Variants in WDR73 observed in about 807,000 individuals in gnomAD.
WDR73 encodes integrator complex assembly factor WDR73.
WDR73 carries 30 observed loss-of-function variants against 38.2 expected under a neutral mutation model. The ratio of observed to expected loss-of-function variants is 0.79; its 90% CI spans 0.59 to 1.06. WDR73 has a LOEUF of 1.06. Ranked by LOEUF, WDR73 falls within the 50% of genes least tolerant of loss-of-function variation. The pLI is 0.00. For synonymous variants in WDR73, 197 were observed against 176.0 expected, an observed-to-expected ratio of 1.12 and a Z score of -0.94; for missense variants, 487 against 467.0, an observed-to-expected ratio of 1.04 and a Z score of -0.40.
At position 84,645,464 on chromosome 15, in the gene WDR73, G is replaced by A. The variant is rs1284134311; in HGVS notation, c.883+7C>T. Reference sequence around the variant, plus strand: ...AGATAACAAGACGAAATCCTGCTCGGCAGTACCTGAGATGGCCAAGCAATT... The same window carrying A: ...AGATAACAAGACGAAATCCTGCTCGACAGTACCTGAGATGGCCAAGCAATT... On this transcript the variant is annotated splice_region_variant and intron_variant, in intron 7 of 7. Transcript: ENST00000434634. The A allele has an allele frequency of 6.2e-7, 1 of 1,611,260 alleles. No homozygotes were observed.
At position 84,641,854 on chromosome 15, in the gene WDR73, T is replaced by C. The variant is rs1026312135; in HGVS notation, c.*1616A>G. The C allele has an allele frequency of 6.6e-6, 1 of 152,126 alleles. No individual in the cohort carries two copies. The highest frequency in any genetic ancestry group is 2.1e-4 in the South Asian group (1 of 4,824). The allele number at this position is 152,126 out of a possible 1,614,324, so 9.4% of individuals were successfully genotyped here. A position where few individuals can be genotyped will look rare whatever the true frequency, so the allele number is the denominator to read the frequency against. ...TTCCTATCTGAATTTGTTTAGGTTT[T>C]TTAAATAAAAATCTTTCTTTTTTTT... On this transcript the variant is annotated 3_prime_UTR_variant, in exon 8 of 8. Transcript: ENST00000434634.
chr15:84,650,469 T>C (rs1173935880), intron 3 of WDR73, among the ~76,000 whole-genome samples: 1 of 152,176 alleles, frequency 6.6e-6, no homozygotes, highest in Non-Finnish European at 1.5e-5. Flanking sequence ...CAAGCAATTC[T>C]TCTGCCTCAG....
Position 84,645,483 on chromosome 15 carries a change from A to G in WDR73, c.871T>C (p.Leu291=). 2.5e-6 allele frequency: 4 copies of G among 1,612,204 alleles called. No homozygotes were observed. The highest frequency in any genetic ancestry group is 1.7e-4 in the Middle Eastern group (1 of 6,058). ...TGCTCGGCAGTACCTGAGATGGCCA[A>G]GCAATTCTTCAGGCCTGGGGCCCAA... The part of the protein sequence containing the change: ...VTWAPGLKNC[L]AISGFDGTVQ... Residue 291 remains leucine, a synonymous_variant, in exon 7 of 8, where the codon TTG becomes CTG. Transcript: ENST00000434634.
intron 3 of WDR73, among the ~76,000 whole-genome samples, chr15:84,649,087 T>A (rs1375472622): frequency 6.6e-6 from 1 of 152,202 alleles, no homozygotes; most frequent in Non-Finnish European, 1.5e-5. Context: ...CAACCTCCTA[T>A]GATATAGGTA....
At chr15:84,652,302 T>TTAG (rs775646372) in intron 3 of WDR73, among the ~76,000 whole-genome samples, 4 of 152,206 alleles carry the variant, frequency 2.6e-5, no homozygotes, top group Non-Finnish European at 5.9e-5. Flanking sequence ...CTGTTCTTTC[T>TTAG]TAGTATTCTT....
intron 1 of WDR73, 94 bp from the exon 2 acceptor site, chr15:84,653,793 C>A: frequency 1.0e-6 from 1 of 984,672 alleles, no homozygotes; most frequent in Non-Finnish European, 1.6e-6. Context: ...GGCCCAAACT[C>A]TGGAGTCAGG....
At chr15:84,652,639 T>C in intron 3 of WDR73, 75 bp downstream of exon 3, 1 of 884,332 alleles carries the variant, frequency 1.1e-6, no homozygotes, top group Non-Finnish European at 1.7e-6. Context: ...CAATACCTGG[T>C]AGATAACAGG....
intron 2 of WDR73, chr15:84,653,412 C>T (rs543934187): frequency 3.6e-5 from 16 of 443,408 alleles, no homozygotes; most frequent in South Asian, 2.5e-4. Context: ...TCAGGTGATC[C>T]GCCTGCCTCG....
At chr15:84,646,501 G>T in intron 5 of WDR73, 153 bp from the exon 6 acceptor site, 2 of 1,130,500 alleles carry the variant, frequency 1.8e-6, no homozygotes, top group South Asian at 1.9e-5. Flanking sequence ...AACTACTCTG[G>T]CTTATGTTTA....
rs1183126895 is a variant in WDR73, at chr15:84,641,791, T to C, written c.*1679A>G. ...CTTGGCCCCCCACAAAGTGCTGGGA[T>C]TACAGGCGTGAGCCACTGTGCCTGG... On this transcript the variant is annotated 3_prime_UTR_variant, in exon 8 of 8. Transcript: ENST00000434634. 6.6e-6 allele frequency: 1 copy of C among 152,186 alleles called. No individual in the cohort carries two copies. The highest frequency in any genetic ancestry group is 2.4e-5 in the African/African-American group (1 of 41,460). The allele number at this position is 152,186 out of a possible 1,614,324, so 9.4% of individuals were successfully genotyped here.
rs898828847 is a variant in WDR73, at chr15:84,646,327, G to C, written c.374C>G (p.Thr125Ser). The change falls in exon 6 of 8, where the codon ACC becomes AGC. Residue 125 changes from threonine (T) to serine (S), a missense_variant. Thr to Ser is a moderately conservative substitution (Grantham distance 58). Coordinates refer to ENST00000434634, the MANE Select transcript of WDR73 (RefSeq NM_032856.5). ...CTCCTCTTTCTCATGCACAGCAATGGTGCTGACAGCTTTAATGACATCTAG... is the reference window on the plus strand; with the variant it reads ...CTCCTCTTTCTCATGCACAGCAATGCTGCTGACAGCTTTAATGACATCTAG... ...EDSDVIKAVS[T>S]IAVHEKEESL... is the part of the protein sequence containing the mutation. 22 of 1,613,164 alleles carry C rather than the reference G, an allele frequency of 1.4e-5. No individual in the cohort carries two copies. The highest frequency in any genetic ancestry group is 1.9e-5 in the Non-Finnish European group (22 of 1,179,308).
In WDR73 at chr15:84,643,383, T is replaced by C. The variant is rs1896327040; in HGVS notation, c.*87A>G. On this transcript the variant is annotated 3_prime_UTR_variant, in exon 8 of 8. Transcript: ENST00000434634. ...AGGCCACACAGCTGGTAACAGGGAC[T>C]GGTAGTCACTTGAGTCCTACATGAG... 8 of 1,473,216 alleles carry C rather than the reference T, an allele frequency of 5.4e-6. No homozygotes were observed. The highest frequency in any genetic ancestry group is 7.3e-6 in the Non-Finnish European group (8 of 1,098,182). The allele number at this position is 1,473,216 out of a possible 1,614,324, so 91.3% of individuals were successfully genotyped here.
intron 1 of WDR73, 96 bp downstream of exon 1, chr15:84,654,138 C>G: frequency 1.3e-6 from 2 of 1,547,240 alleles, no homozygotes; most frequent in Non-Finnish European, 1.8e-6. Context: ...CTGGCCCACT[C>G]TGCACCAGGA....
intron 4 of WDR73, 151 bp from the exon 5 acceptor site, chr15:84,648,105 G>C (rs1487961421): frequency 1.4e-6 from 1 of 704,236 alleles, no homozygotes; most frequent in African/African-American, 1.7e-5. Context: ...TCATTTCACA[G>C]ATAAGGAGCA....
At chr15:84,654,201 C>G in intron 1 of WDR73, 33 bp downstream of exon 1, 1 of 1,613,862 alleles carries the variant, frequency 6.2e-7, no homozygotes, top group East Asian at 2.2e-5. Flanking sequence ...AGCTCCAGGC[C>G]CAGCTCCCAT....
intron 1 of WDR73, chr15:84,653,967 G>A: frequency 1.7e-6 from 1 of 604,010 alleles, no homozygotes; most frequent in East Asian, 2.8e-5. Context: ...GTTCTGAGCT[G>A]AACTCAGAGG....
intron 5 of WDR73, 169 bp downstream of exon 5, chr15:84,647,721 T>C: frequency 1.5e-6 from 1 of 655,640 alleles, no homozygotes. Context: ...GGTCTTCAAC[T>C]CCTGAATTCA....
Position 84,643,475 on chromosome 15 carries a change from G to T in WDR73, c.1132C>A (p.Arg378Ser), listed in dbSNP as rs376622127. 6.0e-5 allele frequency: 93 copies of T among 1,551,240 alleles called. No individual in the cohort carries two copies. Among genetic ancestry groups the T allele is most frequent in the Non-Finnish European group, 7.8e-5 (89 of 1,145,890 alleles). The change falls in exon 8 of 8, where the codon CGC (arginine) becomes AGC (serine). Residue 378 changes from arginine (R) to serine (S), a missense_variant. By Grantham distance (110) the Arg-to-Ser change is moderately radical (BLOSUM62 -1). Coordinates refer to ENST00000434634, the MANE Select transcript of WDR73 (RefSeq NM_032856.5). ...TAGATGGAAAGATGCTGGTGTCAGC[G>T]GGGGGCACAAAGGTCCACCCAGTCC... ...VWDWVDLCAP[R>S] is the part of the protein sequence containing the mutation.
chr15:84,645,450 C>G, intron 7 of WDR73, 21 bp downstream of exon 7: 1 of 1,610,068 alleles, frequency 6.2e-7, no homozygotes, highest in Non-Finnish European at 8.5e-7. Context: ...GATAACAAGA[C>G]GAAATCCTGC....
Sources: allele counts gnomAD v4.1 joint callset (sites outside exome capture counted in the v4.1 genomes callset), GRCh38; gene constraint gnomAD v4.1.1; transcripts MANE v1.5; gene names NCBI Gene and HGNC (gene_info 2026-07-23, HGNC 2026-07-21).